The following CTNNA3 variants were observed in gnomAD, a reference collection of about 807,000 sequenced individuals.
CTNNA3 encodes the protein catenin alpha-3.
In CTNNA3, 76 loss-of-function variants were observed where a neutral mutation model predicts 95.7. The observed-to-expected ratio is 0.79, with a 90% CI of 0.66 to 0.96. The LOEUF (loss-of-function observed/expected upper bound fraction) is 0.96. Ranked by LOEUF, CTNNA3 falls within the 40% of genes least tolerant of loss-of-function variation. The pLI, the probability that CTNNA3 is intolerant of heterozygous loss-of-function variation, is 0.00. For synonymous variants in CTNNA3, 431 were observed against 374.4 expected, an observed-to-expected ratio of 1.15 and a Z score of -1.74; for missense variants, 1,191 against 1,089.8, an observed-to-expected ratio of 1.09 and a Z score of -1.31.
intron 15 of CTNNA3, among the ~76,000 whole-genome samples, chr10:66,062,338 A>G (rs933463108): frequency 2.0e-5 from 3 of 152,112 alleles, no homozygotes; most frequent in Non-Finnish European, 4.4e-5. Context: ...TAAAATCTAT[A>G]TGGAGGACTT....
chr10:67,680,104 A>T (rs1840599451), intron 1 of CTNNA3, among the ~76,000 whole-genome samples: 1 of 152,210 alleles, frequency 6.6e-6, no homozygotes, highest in Non-Finnish European at 1.5e-5. Flanking sequence ...TAGGAGAGAT[A>T]TTAAAAATAT....
chr10:66,021,851 G>GTTTTTTTTTTTTTTTTT (rs1564583857), intron 15 of CTNNA3, among the ~76,000 whole-genome samples: 12 of 41,634 alleles, frequency 2.9e-4, no homozygotes, highest in South Asian at 1.7e-3. Flanking sequence ...CAGGATCTTG[G>GTTTTTTTTTTTTTTTTT]CTTTTTTTTT....
intron 1 of CTNNA3, among the ~76,000 whole-genome samples, chr10:67,751,621 T>C (rs972501273): frequency 4.6e-5 from 7 of 151,942 alleles, no homozygotes; most frequent in Admixed American, 4.6e-4. Flanking sequence ...CAATAAAAAC[T>C]GATGAAGGAG....
chr10:66,094,222 G>C (rs1281159375), intron 14 of CTNNA3, among the ~76,000 whole-genome samples: 1 of 151,986 alleles, frequency 6.6e-6, no homozygotes, highest in Non-Finnish European at 1.5e-5. Context: ...GTGAGGGTGA[G>C]CCTGATGGTT....
chr10:67,418,729 T>G (rs943684649), intron 5 of CTNNA3, among the ~76,000 whole-genome samples: 2 of 152,064 alleles, frequency 1.3e-5, no homozygotes, highest in African/African-American at 4.8e-5. Flanking sequence ...TTCAATTAGA[T>G]GGAAGGAATA....
intron 6 of CTNNA3, among the ~76,000 whole-genome samples, chr10:67,194,715 G>A (rs1264700559): frequency 6.6e-6 from 1 of 151,840 alleles, no homozygotes; most frequent in Non-Finnish European, 1.5e-5. Context: ...ACTAGGGATT[G>A]TGGGTGATAA....
At chr10:67,508,289 G>A (rs1839493337) in intron 5 of CTNNA3, among the ~76,000 whole-genome samples, 1 of 152,114 alleles carries the variant, frequency 6.6e-6, no homozygotes, top group Non-Finnish European at 1.5e-5. Context: ...TGGGATTACA[G>A]GTGTGAGCCA....
intron 1 of CTNNA3, among the ~76,000 whole-genome samples, chr10:67,745,346 C>G (rs1841368258): frequency 6.6e-6 from 1 of 152,156 alleles, no homozygotes; most frequent in South Asian, 2.1e-4. Flanking sequence ...ATGATGAGTT[C>G]ATGTCCTTTG....
At chr10:67,511,553 T>A (rs1839629554) in intron 5 of CTNNA3, among the ~76,000 whole-genome samples, 1 of 152,208 alleles carries the variant, frequency 6.6e-6, no homozygotes, top group Non-Finnish European at 1.5e-5. Context: ...GCCTACTTGA[T>A]TGTGGTGGCC....
At chr10:67,180,739 A>C (rs1190846672) in intron 6 of CTNNA3, among the ~76,000 whole-genome samples, 1 of 152,200 alleles carries the variant, frequency 6.6e-6, no homozygotes, top group Non-Finnish European at 1.5e-5. Context: ...AGCCTCAGAC[A>C]GACCTGGATT....
At chr10:66,123,720 C>G (rs1333244666) in intron 13 of CTNNA3, among the ~76,000 whole-genome samples, 3 of 152,182 alleles carry the variant, frequency 2.0e-5, no homozygotes, top group Non-Finnish European at 2.9e-5. Flanking sequence ...AACCCAAATT[C>G]TTGACCTCTG....
At chr10:66,959,806 A>G (rs1006029543) in intron 7 of CTNNA3, among the ~76,000 whole-genome samples, 1 of 152,138 alleles carries the variant, frequency 6.6e-6, no homozygotes, top group Non-Finnish European at 1.5e-5. Context: ...AGGAGTAAGA[A>G]ACTTTGCTGA....
chr10:66,257,619 C>G (rs779320580), intron 13 of CTNNA3, among the ~76,000 whole-genome samples: 1 of 152,176 alleles, frequency 6.6e-6, no homozygotes, highest in Non-Finnish European at 1.5e-5. Flanking sequence ...ATCAGCTGCT[C>G]TTGTATTCAT....
At chr10:66,360,640 T>TTTC (rs1215167417) in intron 12 of CTNNA3, among the ~76,000 whole-genome samples, 5 of 54,396 alleles carry the variant, frequency 9.2e-5, no homozygotes, top group African/African-American at 3.5e-4. Context: ...TCTTTCTTTC[T>TTTC]TTCTTTCTTT....
intron 13 of CTNNA3, among the ~76,000 whole-genome samples, chr10:66,126,153 A>G (rs2082821224): frequency 6.6e-6 from 1 of 152,244 alleles, no homozygotes. Flanking sequence ...AATGTAATCC[A>G]TAAGACTGAA....
chr10:66,245,115 C>A (rs966810346), intron 13 of CTNNA3, among the ~76,000 whole-genome samples: 33 of 152,246 alleles, frequency 2.2e-4, no homozygotes, highest in African/African-American at 6.5e-4. Context: ...AGCAATAGAG[C>A]AATGAGGGGT....
chr10:66,115,317 T>A (rs73312131), intron 13 of CTNNA3, among the ~76,000 whole-genome samples: 5,186 of 152,282 alleles, frequency 0.034, 309 homozygotes, highest in African/African-American at 0.12. Flanking sequence ...CAGAGAAGTG[T>A]CCCTTACCAG....
At chr10:67,311,175 G>C (rs2620912) in intron 5 of CTNNA3, among the ~76,000 whole-genome samples, 106,387 of 152,058 alleles carry the variant, frequency 0.7, 41,569 homozygotes, top group Non-Finnish European at 0.88. Flanking sequence ...GCCTTTTAGG[G>C]AACCACTTGT....
At position 67,309,881 on chromosome 10, in the gene CTNNA3, T is replaced by C. The variant is rs150110906; in HGVS notation, c.580-90011A>G. On this transcript the variant is annotated intron_variant, in intron 5 of 17. Coordinates refer to ENST00000433211, the MANE Select transcript of CTNNA3 (RefSeq NM_013266.4). Reference sequence around the variant, plus strand: ...AAAATGTCAGTGCAACATTGTTCTGTACCAAGAACTGTTAGCCTGCAAATG... The same window carrying C: ...AAAATGTCAGTGCAACATTGTTCTGCACCAAGAACTGTTAGCCTGCAAATG... Among the ~76,000 whole-genome samples the C allele has an allele frequency of 3.2e-3, 490 of 152,250 alleles. 5 individuals are homozygous for C. Among genetic ancestry groups the C allele is most frequent in the African/African-American group, 0.011 (470 of 41,534 alleles).
Sources: gnomAD v4.1 joint callset for allele counts (sites outside exome capture counted in the v4.1 genomes callset) on GRCh38, gnomAD v4.1.1 for gene constraint, MANE v1.5 for transcripts, NCBI Gene and HGNC (gene_info 2026-07-23, HGNC 2026-07-21) for gene names.